The following PPARGC1A variants were observed in gnomAD, a reference collection of about 807,000 sequenced individuals.
The protein encoded by PPARGC1A is peroxisome proliferator-activated receptor gamma coactivator 1-alpha.
PPARGC1A carries 25 observed loss-of-function variants against 88.7 expected under a neutral mutation model. The ratio of observed to expected loss-of-function variants is 0.28; its 90% CI spans 0.21 to 0.39. The LOEUF (loss-of-function observed/expected upper bound fraction) is 0.39. Ranked by LOEUF, PPARGC1A falls within the 10% of genes least tolerant of loss-of-function variation. The pLI is 1.00. For missense variants in PPARGC1A, 880 were observed against 968.7 expected (o/e 0.91, Z 1.22); for synonymous variants, 363 against 355.6 (o/e 1.02, Z -0.24).
chr4:23,948,662 G>A, the PPARGC1A span, among the ~76,000 whole-genome samples: 1 of 152,144 alleles, frequency 6.6e-6, no homozygotes, highest in African/African-American at 2.4e-5. Flanking sequence ...ACATCCCAGT[G>A]TGCTCCGAAT....
chr4:24,031,772 CAGT>C, the PPARGC1A span, among the ~76,000 whole-genome samples: 1 of 152,192 alleles, frequency 6.6e-6, no homozygotes, highest in Non-Finnish European at 1.5e-5. Context: ...CTGTGATTAG[CAGT>C]AGATGATAGT....
At chr4:24,437,595 TTGTTG>T in the PPARGC1A span, among the ~76,000 whole-genome samples, 1 of 19,514 alleles carries the variant, frequency 5.1e-5, no homozygotes, top group African/African-American at 2.3e-4. Context: ...CACAGGTTTT[TTGTTG>T]TTGTTGTTGT....
At chr4:24,124,666 A>C in the PPARGC1A span, among the ~76,000 whole-genome samples, 1 of 146,940 alleles carries the variant, frequency 6.8e-6, no homozygotes, top group Non-Finnish European at 1.5e-5. Context: ...TGAAGGTAGA[A>C]GCATTTTTTT....
chr4:24,063,825 G>A, the PPARGC1A span, among the ~76,000 whole-genome samples: 7 of 152,042 alleles, frequency 4.6e-5, no homozygotes, highest in South Asian at 2.1e-4. Context: ...TGGTGACCTC[G>A]TTCAATGCCT....
intron 10 of PPARGC1A, among the ~76,000 whole-genome samples, chr4:23,811,296 T>A (rs1400850939): frequency 6.6e-6 from 1 of 151,242 alleles, no homozygotes; most frequent in Non-Finnish European, 1.5e-5. Context: ...GTGAGTTTTT[T>A]TAAAGATAAC....
the PPARGC1A span, among the ~76,000 whole-genome samples, chr4:23,990,916 C>G: frequency 6.6e-6 from 1 of 152,042 alleles, no homozygotes; most frequent in Non-Finnish European, 1.5e-5. Context: ...GTGGCTAAAA[C>G]TGTTCTCCAA....
At chr4:24,162,848 C>A in the PPARGC1A span, among the ~76,000 whole-genome samples, 1 of 151,940 alleles carries the variant, frequency 6.6e-6, no homozygotes, top group African/African-American at 2.4e-5. Flanking sequence ...CCCAACTCGG[C>A]CTCCCAAAGT....
the PPARGC1A span, among the ~76,000 whole-genome samples, chr4:24,364,486 T>C: frequency 6.6e-6 from 1 of 152,280 alleles, no homozygotes; most frequent in Admixed American, 6.5e-5. Flanking sequence ...GGCAAAGGTC[T>C]TGCACTTCTC....
chr4:24,261,981 T>C, the PPARGC1A span, among the ~76,000 whole-genome samples: 211 of 152,282 alleles, frequency 1.4e-3, no homozygotes, highest in African/African-American at 4.5e-3. Flanking sequence ...AAATGAAAGG[T>C]AAGTTATCAA....
the PPARGC1A span, among the ~76,000 whole-genome samples, chr4:24,010,866 G>T: frequency 6.6e-6 from 1 of 152,132 alleles, no homozygotes; most frequent in Non-Finnish European, 1.5e-5. Context: ...TTGGGGAAGG[G>T]TCTCCAAAAA....
At chr4:24,181,314 A>G in the PPARGC1A span, among the ~76,000 whole-genome samples, 1 of 152,166 alleles carries the variant, frequency 6.6e-6, no homozygotes, top group African/African-American at 2.4e-5. Flanking sequence ...ACTCTGCCTA[A>G]GTATCTTGGG....
the PPARGC1A span, among the ~76,000 whole-genome samples, chr4:24,157,101 A>G: frequency 6.6e-6 from 1 of 152,182 alleles, no homozygotes; most frequent in Non-Finnish European, 1.5e-5. Context: ...CTGGGTTCAA[A>G]TCCCAGCAAT....
chr4:24,307,363 T>C, the PPARGC1A span, among the ~76,000 whole-genome samples: 1 of 152,242 alleles, frequency 6.6e-6, no homozygotes, highest in South Asian at 2.1e-4. Context: ...TACACTGTAA[T>C]ATATATTGCA....
chr4:24,117,824 A>T, the PPARGC1A span, among the ~76,000 whole-genome samples: 1 of 152,130 alleles, frequency 6.6e-6, no homozygotes, highest in Non-Finnish European at 1.5e-5. Flanking sequence ...ACTCATGTCC[A>T]CAGCAGTTTC....
the PPARGC1A span, among the ~76,000 whole-genome samples, chr4:23,970,265 C>T: frequency 3.3e-5 from 5 of 152,164 alleles, no homozygotes; most frequent in East Asian, 1.9e-4. Flanking sequence ...AACCAAATGA[C>T]GCAAGCAAAA....
Position 23,795,207 on chromosome 4 carries a change from C to T in PPARGC1A, c.*615G>A, listed in dbSNP as rs1482229643. 1 of 150,692 alleles carries T rather than the reference C, an allele frequency of 6.6e-6. No individual in the cohort carries two copies. Among genetic ancestry groups the T allele is most frequent in the Non-Finnish European group, 1.5e-5 (1 of 67,726 alleles). 9.3% of individuals were successfully genotyped at this position (150,692 alleles called of 1,614,324 possible). A position where few individuals can be genotyped will look rare whatever the true frequency, so the allele number is the denominator to read the frequency against. ...AAAAAACAGAGTACAAAGGCTGATGCCCAGACATCAGCGGCTGTCATTTTA... is the reference window on the plus strand; with the variant it reads ...AAAAAACAGAGTACAAAGGCTGATGTCCAGACATCAGCGGCTGTCATTTTA... On this transcript the variant is annotated 3_prime_UTR_variant, in exon 13 of 13. Transcript: ENST00000264867.
At chr4:24,241,997 C>G in the PPARGC1A span, among the ~76,000 whole-genome samples, 1 of 152,300 alleles carries the variant, frequency 6.6e-6, no homozygotes, top group South Asian at 2.1e-4. Flanking sequence ...ATTAGGGAGG[C>G]AATAATCAGA....
chr4:23,947,133 T>A, the PPARGC1A span, among the ~76,000 whole-genome samples: 1 of 151,760 alleles, frequency 6.6e-6, no homozygotes, highest in Non-Finnish European at 1.5e-5. Context: ...ATCACCTCAC[T>A]GAGAGAATTT....
the PPARGC1A span, among the ~76,000 whole-genome samples, chr4:24,224,235 A>G: frequency 1.3e-5 from 2 of 152,218 alleles, no homozygotes; most frequent in Non-Finnish European, 2.9e-5. Context: ...CTACTGTCAC[A>G]TTGGACCAAA....
Sources: gnomAD v4.1 joint callset for allele counts (sites outside exome capture counted in the v4.1 genomes callset) on GRCh38, gnomAD v4.1.1 for gene constraint, MANE v1.5 for transcripts, NCBI Gene and HGNC (gene_info 2026-07-23, HGNC 2026-07-21) for gene names.